The following PCDHGB3 variants were observed in gnomAD, a reference collection of about 807,000 sequenced individuals.
PCDHGB3 encodes protocadherin gamma subfamily B, 3, also known as protocadherin gamma-B3.
PCDHGB3 carries 40 observed loss-of-function variants against 59.2 expected under a neutral mutation model. The observed-to-expected ratio is 0.68, with a 90% CI of 0.52 to 0.88. The LOEUF is 0.88. Ranked by LOEUF, PCDHGB3 falls within the 40% of genes least tolerant of loss-of-function variation. PCDHGB3 has a pLI of 0.00. For synonymous variants in PCDHGB3, 581 were observed against 503.6 expected (o/e 1.15, Z -2.06); for missense variants, 1,309 against 1,187.9 (o/e 1.10, Z -1.50).
chr5:141,476,123 C>G lies in PCDHGB3; in HGVS notation c.2416-18684C>G. Reference sequence around the variant, plus strand: ...GGAACTGCTTTTGAGTGAGATGGTCCCAGAGGCCTGGAGGAGCGGACTGGT... The same window carrying G: ...GGAACTGCTTTTGAGTGAGATGGTCGCAGAGGCCTGGAGGAGCGGACTGGT... On this transcript the variant is annotated intron_variant, in intron 1 of 3. Coordinates refer to ENST00000576222, the MANE Select transcript of PCDHGB3 (RefSeq NM_018924.5). This position sits in a 1 kb window ranked among gnomAD's most constrained non-coding sequence, Gnocchi z 7.6. 1 of 1,602,442 alleles carries G rather than the reference C, an allele frequency of 6.2e-7. No individual in the cohort carries two copies. The highest frequency in any genetic ancestry group is 8.5e-7 in the Non-Finnish European group (1 of 1,176,022).
intron 1 of PCDHGB3, chr5:141,392,786 T>C: frequency 5.2e-6 from 8 of 1,550,412 alleles, no homozygotes; most frequent in Non-Finnish European, 7.0e-6. Flanking sequence ...CAGTGAAGAT[T>C]CTGAGAGGAT....
chr5:141,419,715 T>A, intron 1 of PCDHGB3: 5 of 1,613,288 alleles, frequency 3.1e-6, no homozygotes, highest in Non-Finnish European at 4.2e-6. Context: ...CTCTTCAGCC[T>A]GGGGCTGCGA....
chr5:141,422,938 G>A (rs1226350240), intron 1 of PCDHGB3: 2 of 1,614,116 alleles, frequency 1.2e-6, no homozygotes, highest in Non-Finnish European at 1.7e-6. Flanking sequence ...CCTCCCCACA[G>A]ACGGCTCCAC....
At chr5:141,381,975 G>A (rs1408994703) in intron 1 of PCDHGB3, among the ~76,000 whole-genome samples, 4 of 151,294 alleles carry the variant, frequency 2.6e-5, no homozygotes, top group South Asian at 2.1e-4. Flanking sequence ...GATTACAGGC[G>A]CGCGCCACCA....
At position 141,432,995 on chromosome 5, in the gene PCDHGB3, G is replaced by A. The variant is rs576866505; in HGVS notation, c.2415+60186G>A. On this transcript the variant is annotated intron_variant, in intron 1 of 3. Transcript: ENST00000576222. This position sits in a 1 kb window ranked among gnomAD's most constrained non-coding sequence, Gnocchi z 6.0. ...GTCGCACTTTGTGGGCGTGGACGGGGTGCAGGCTTTCCTGCAGACCTATTC... is the reference window on the plus strand; with the variant it reads ...GTCGCACTTTGTGGGCGTGGACGGGATGCAGGCTTTCCTGCAGACCTATTC... The A allele has an allele frequency of 1.2e-6, 2 of 1,614,226 alleles. No individual in the cohort carries two copies. The highest frequency in any genetic ancestry group is 3.3e-5 in the Admixed American group (2 of 60,028).
rs992649031 is a variant in PCDHGB3 at position 141,387,128 on chromosome 5, G to C, written c.2415+14319G>C. On this transcript the variant is annotated intron_variant, in intron 1 of 3. Coordinates refer to ENST00000576222, the MANE Select transcript of PCDHGB3 (RefSeq NM_018924.5). ...ATAATATTCCTGTAATGAAATCACTGAAACTATTGGGAAGGGGGTGTATTT... is the reference window on the plus strand; with the variant it reads ...ATAATATTCCTGTAATGAAATCACTCAAACTATTGGGAAGGGGGTGTATTT... Among the ~76,000 whole-genome samples, 7 of 152,316 alleles carry C rather than the reference G, an allele frequency of 4.6e-5. No homozygotes were observed. The South Asian group carries it at 8.3e-4, about 18-fold the overall frequency.
At chr5:141,412,273 C>T (rs1007252273) in intron 1 of PCDHGB3, 4 of 152,206 alleles carry the variant, frequency 2.6e-5, no homozygotes, top group Admixed American at 6.5e-5. Flanking sequence ...ACTTTTAGTA[C>T]TTCAAATTCT....
chr5:141,415,740 G>GTTTTTTTTT (rs57426385), intron 1 of PCDHGB3: 68 of 625,028 alleles, frequency 1.1e-4, no homozygotes, highest in African/African-American at 1.3e-4. Context: ...GTTTATTAAG[G>GTTTTTTTTT]TTTTTTTTTT....
chr5:141,421,567 A>G (rs1202908091), intron 1 of PCDHGB3: 27 of 1,613,972 alleles, frequency 1.7e-5, no homozygotes, highest in Non-Finnish European at 2.2e-5. Context: ...CGTGGAAGAC[A>G]CCTTGAAGAT....
At chr5:141,385,865 G>T (rs1329915375) in intron 1 of PCDHGB3, 1 of 152,944 alleles carries the variant, frequency 6.5e-6, no homozygotes, top group Admixed American at 6.5e-5. Context: ...GTAGTAGAAG[G>T]TTGGATTTAT....
chr5:141,478,358 C>G, intron 1 of PCDHGB3: 1 of 1,613,738 alleles, frequency 6.2e-7, no homozygotes, highest in South Asian at 1.1e-5. Flanking sequence ...GGACGCCGTG[C>G]GGGGAGGCCT....
Position 141,408,776 on chromosome 5 carries a change from C to T in PCDHGB3, c.2415+35967C>T, listed in dbSNP as rs748401410. 54 of 1,611,566 alleles carry T rather than the reference C, an allele frequency of 3.4e-5. No homozygotes were observed. The highest frequency in any genetic ancestry group is 4.4e-5 in the Non-Finnish European group (52 of 1,178,840). On this transcript the variant is annotated intron_variant, in intron 1 of 3. Coordinates refer to ENST00000576222, the MANE Select transcript of PCDHGB3 (RefSeq NM_018924.5). Reference sequence around the variant, plus strand: ...AGTTAATTCCGATGGTGGCAAATACCCAGAGTTATCTCTGGAGAAACTCCT... The same window carrying T: ...AGTTAATTCCGATGGTGGCAAATACTCAGAGTTATCTCTGGAGAAACTCCT...
chr5:141,393,865 C>G lies in PCDHGB3; in HGVS notation c.2415+21056C>G, dbSNP rs770874961. The G allele has an allele frequency of 4.3e-6, 7 of 1,613,838 alleles. No individual in the cohort carries two copies. In the African/African-American group the frequency reaches 8.0e-5, roughly 18 times the overall value. ...AATAGACCAGAAGTGATCATTACGT[C>G]TTTGTTTAGCCCAGTGTTAGAAAAT... On this transcript the variant is annotated intron_variant, in intron 1 of 3. Transcript: ENST00000576222.
intron 1 of PCDHGB3, chr5:141,405,178 T>C (rs769150671): frequency 3.1e-6 from 5 of 1,613,890 alleles, no homozygotes; most frequent in African/African-American, 2.7e-5. Flanking sequence ...ACTTTGTGGG[T>C]GTAGATGGGG....
chr5:141,423,765 G>A (rs775053869), intron 1 of PCDHGB3: 11 of 233,406 alleles, frequency 4.7e-5, no homozygotes, highest in Admixed American at 1.2e-4. Context: ...GGGGGGTGGG[G>A]CGGCATATAT....
intron 1 of PCDHGB3, chr5:141,427,786 C>G: frequency 1.4e-6 from 2 of 1,477,082 alleles, no homozygotes; most frequent in Non-Finnish European, 1.9e-6. Flanking sequence ...GCACTGTCGT[C>G]CTACGTGTCC....
In PCDHGB3 at chr5:141,485,792, G is replaced by A. The variant is rs114766079; in HGVS notation, c.2416-9015G>A. The A allele has an allele frequency of 6.2e-7, 1 of 1,614,236 alleles. No homozygotes were observed. Among genetic ancestry groups the A allele is most frequent in the East Asian group, 2.2e-5 (1 of 44,880 alleles). ...GCCTTTGGATCGAGAGAAGCAATCG[G>A]ACTACCGCCTGGTGCTGACTGCTGT... On this transcript the variant is annotated intron_variant, in intron 1 of 3. Coordinates refer to ENST00000576222, the MANE Select transcript of PCDHGB3 (RefSeq NM_018924.5). This position sits in a 1 kb window ranked among gnomAD's most constrained non-coding sequence, Gnocchi z 5.7.
chr5:141,421,697 A>T (rs750973568), intron 1 of PCDHGB3: 8 of 1,613,924 alleles, frequency 5.0e-6, no homozygotes, highest in Non-Finnish European at 6.8e-6. Context: ...GCTCTTCCTA[A>T]TGCTAGGGAT....
intron 1 of PCDHGB3, chr5:141,441,925 T>C (rs926242217): frequency 2.8e-6 from 1 of 353,614 alleles, no homozygotes; most frequent in Non-Finnish European, 5.4e-6. Flanking sequence ...ACACAATGCG[T>C]GGCTGTCCTA....
Sources: allele counts gnomAD v4.1 joint callset (sites outside exome capture counted in the v4.1 genomes callset), GRCh38; gene constraint gnomAD v4.1.1; non-coding constraint Gnocchi (gnomAD v3.1); transcripts MANE v1.5; gene names NCBI Gene and HGNC (gene_info 2026-07-23, HGNC 2026-07-21).